Variants in PGM5 observed in about 807,000 individuals in gnomAD.
The protein encoded by PGM5 is phosphoglucomutase 5, also known as phosphoglucomutase-like protein 5.
Under a neutral mutation model 59.2 loss-of-function variants are expected in PGM5, and 23 were observed. The observed-to-expected ratio is 0.39, with a 90% CI of 0.28 to 0.55. PGM5 has a LOEUF of 0.55. Ranked by LOEUF, PGM5 falls within the 20% of genes least tolerant of loss-of-function variation. The pLI is 0.66. For synonymous variants in PGM5, 214 were observed against 286.0 expected, an observed-to-expected ratio of 0.75 and a Z score of 2.54; for missense variants, 574 against 748.3, an observed-to-expected ratio of 0.77 and a Z score of 2.72.
At chr9:68,374,191 A>G (rs1295570897) in intron 1 of PGM5, among the ~76,000 whole-genome samples, 2 of 152,218 alleles carry the variant, frequency 1.3e-5, no homozygotes, top group Non-Finnish European at 2.9e-5. Flanking sequence ...GCTGAGAGAA[A>G]ATTTTGAACA....
intron 2 of PGM5, 41 bp downstream of exon 2, chr9:68,378,402 T>A: frequency 1.3e-6 from 2 of 1,533,660 alleles, no homozygotes; most frequent in Non-Finnish European, 1.8e-6. Flanking sequence ...ACGATTTCTT[T>A]CCTCTTATAT....
chr9:68,487,745 G>A (rs961144211), intron 9 of PGM5, among the ~76,000 whole-genome samples: 3 of 152,076 alleles, frequency 2.0e-5, no homozygotes, highest in Non-Finnish European at 4.4e-5. Context: ...TGCTGTTCCC[G>A]TTTTATACAG....
chr9:68,417,533 T>A (rs1329081343), intron 6 of PGM5, among the ~76,000 whole-genome samples: 1 of 152,172 alleles, frequency 6.6e-6, no homozygotes, highest in Admixed American at 6.5e-5. Context: ...TTCATTTCCA[T>A]CATTCAGGGT....
At chr9:68,518,126 A>G (rs1587231096) in intron 10 of PGM5, among the ~76,000 whole-genome samples, 1 of 152,238 alleles carries the variant, frequency 6.6e-6, no homozygotes, top group Non-Finnish European at 1.5e-5. Flanking sequence ...CAAAAGAAAT[A>G]TGGTTAGTTA....
chr9:68,438,506 G>T (rs782140023), intron 6 of PGM5, among the ~76,000 whole-genome samples: 8 of 152,142 alleles, frequency 5.3e-5, no homozygotes, highest in Non-Finnish European at 1.0e-4. Context: ...TGTTGAAAAA[G>T]CTTCCCATTT....
intron 6 of PGM5, among the ~76,000 whole-genome samples, chr9:68,440,649 G>T (rs1554683639): frequency 1.3e-5 from 2 of 152,028 alleles, no homozygotes; most frequent in Non-Finnish European, 2.9e-5. Context: ...ATCAAAATTT[G>T]TAGGATGCAG....
chr9:68,433,166 C>T (rs74482360), intron 6 of PGM5, among the ~76,000 whole-genome samples: 4,598 of 152,248 alleles, frequency 0.03, 126 homozygotes, highest in African/African-American at 0.078. Context: ...TACAACCCCC[C>T]GTCTTCCCCA....
At chr9:68,522,231 C>T (rs1824909434) in intron 10 of PGM5, among the ~76,000 whole-genome samples, 1 of 152,154 alleles carries the variant, frequency 6.6e-6, no homozygotes, top group East Asian at 1.9e-4. Flanking sequence ...CAGGGGCTCA[C>T]ATGAACAAGT....
chr9:68,517,567 A>G (rs1039909994), intron 10 of PGM5, among the ~76,000 whole-genome samples: 1 of 152,220 alleles, frequency 6.6e-6, no homozygotes, highest in Non-Finnish European at 1.5e-5. Flanking sequence ...ACAATAGAGC[A>G]TGGTGGGCAC....
chr9:68,382,828 T>A (rs185905985), intron 2 of PGM5, among the ~76,000 whole-genome samples: 2 of 151,732 alleles, frequency 1.3e-5, no homozygotes, highest in African/African-American at 4.8e-5. Context: ...GACAACTATC[T>A]AGAGAGACAG....
chr9:68,434,972 G>A (rs1554683283), intron 6 of PGM5, among the ~76,000 whole-genome samples: 2 of 152,186 alleles, frequency 1.3e-5, no homozygotes, highest in Non-Finnish European at 2.9e-5. Flanking sequence ...TGCATCCTAA[G>A]TGGGAGAGAA....
intron 1 of PGM5, among the ~76,000 whole-genome samples, chr9:68,364,237 A>T (rs1554676496): frequency 5.3e-5 from 8 of 151,842 alleles, no homozygotes. Flanking sequence ...AGTGTCCTCC[A>T]GATAGATGTT....
At chr9:68,398,933 A>T (rs1363144039) in intron 6 of PGM5, 2 of 152,202 alleles carry the variant, frequency 1.3e-5, no homozygotes, top group Non-Finnish European at 2.9e-5. Flanking sequence ...TACTTTAAAA[A>T]TGATAATGCA....
chr9:68,489,423 A>ATGT (rs10560976), intron 9 of PGM5, among the ~76,000 whole-genome samples: 2,576 of 148,872 alleles, frequency 0.017, 22 homozygotes, highest in African/African-American at 0.035. Context: ...TCCTAATCCT[A>ATGT]TGTTGTTGTT....
intron 10 of PGM5, among the ~76,000 whole-genome samples, chr9:68,511,070 A>G (rs781786978): frequency 1.2e-4 from 19 of 152,238 alleles, no homozygotes; most frequent in Non-Finnish European, 2.2e-4. Flanking sequence ...TTAGACCTCA[A>G]AAGGTGTCAG....
intron 6 of PGM5, among the ~76,000 whole-genome samples, chr9:68,454,285 G>T (rs782487289): frequency 1.2e-4 from 18 of 152,150 alleles, no homozygotes; most frequent in Non-Finnish European, 2.6e-4. Flanking sequence ...ATGGGACGCT[G>T]GTAGCCCTGA....
chr9:68,391,847 C>A (rs782306432), intron 5 of PGM5, 123 bp downstream of exon 5: 96 of 928,054 alleles, frequency 1.0e-4, no homozygotes, highest in Admixed American at 2.3e-4. Flanking sequence ...CCCTAACTGG[C>A]TCTGCATCTG....
intron 10 of PGM5, among the ~76,000 whole-genome samples, chr9:68,528,804 T>G (rs1474468920): frequency 6.6e-6 from 1 of 152,222 alleles, no homozygotes. Flanking sequence ...TAGACTGATT[T>G]TCTCACTGTT....
intron 1 of PGM5, among the ~76,000 whole-genome samples, chr9:68,360,248 A>G (rs1373717141): frequency 6.6e-6 from 1 of 152,020 alleles, no homozygotes; most frequent in Non-Finnish European, 1.5e-5. Flanking sequence ...TTAATATCTC[A>G]TAAAGTTTGA....
Sources: gnomAD v4.1 joint callset for allele counts (sites outside exome capture counted in the v4.1 genomes callset) on GRCh38, gnomAD v4.1.1 for gene constraint, MANE v1.5 for transcripts, NCBI Gene and HGNC (gene_info 2026-07-23, HGNC 2026-07-21) for gene names.